The following PARP8 variants were observed in gnomAD, a reference collection of about 807,000 sequenced individuals.
PARP8 encodes poly(ADP-ribose) polymerase family member 8, also known as protein mono-ADP-ribosyltransferase PARP8.
In PARP8, 51 loss-of-function variants were observed where a neutral mutation model predicts 124.1. The ratio of observed to expected loss-of-function variants is 0.41; its 90% CI spans 0.33 to 0.52. The LOEUF is 0.52. PARP8 is among the 20% of genes least tolerant of loss of function. The pLI, the probability that PARP8 is intolerant of heterozygous loss-of-function variation, is 0.21. For synonymous variants in PARP8, 391 were observed against 361.5 expected, an observed-to-expected ratio of 1.08 and a Z score of -0.93; for missense variants, 860 against 1,018.9, an observed-to-expected ratio of 0.84 and a Z score of 2.12.
intron 9 of PARP8, among the ~76,000 whole-genome samples, chr5:50,781,850 A>T (rs1740710631): frequency 6.6e-6 from 1 of 152,184 alleles, no homozygotes; most frequent in South Asian, 2.1e-4. Context: ...GATGGGGTGG[A>T]AACTAGAACT....
chr5:50,773,897 G>T (rs1233855666), intron 7 of PARP8, among the ~76,000 whole-genome samples: 1 of 150,376 alleles, frequency 6.6e-6, no homozygotes, highest in Non-Finnish European at 1.5e-5. Context: ...GGGGGATGTG[G>T]CAGGGTCATA....
At chr5:50,814,680 G>A (rs898816579) in intron 14 of PARP8, among the ~76,000 whole-genome samples, 2 of 152,144 alleles carry the variant, frequency 1.3e-5, no homozygotes, top group African/African-American at 4.8e-5. Context: ...TCTGAAAGAA[G>A]TAAGCGTAGG....
At chr5:50,682,053 A>C (rs1189455961) in intron 2 of PARP8, among the ~76,000 whole-genome samples, 1 of 152,144 alleles carries the variant, frequency 6.6e-6, no homozygotes, top group Non-Finnish European at 1.5e-5. Context: ...AGTTACTATT[A>C]TTTCATATCC....
At chr5:50,747,197 T>C (rs1227005189) in intron 2 of PARP8, among the ~76,000 whole-genome samples, 1 of 143,474 alleles carries the variant, frequency 7.0e-6, no homozygotes, top group Non-Finnish European at 1.5e-5. Flanking sequence ...TCCTAATCTC[T>C]TTCCAAGTAC....
chr5:50,675,620 T>C (rs537227032), intron 2 of PARP8, among the ~76,000 whole-genome samples: 9 of 152,364 alleles, frequency 5.9e-5, no homozygotes, highest in African/African-American at 1.7e-4. Context: ...GCCTGTTTTA[T>C]TGTTTAAAAA....
At chr5:50,780,957 A>G (rs1278979384) in intron 9 of PARP8, among the ~76,000 whole-genome samples, 3 of 151,554 alleles carry the variant, frequency 2.0e-5, no homozygotes, top group Non-Finnish European at 4.4e-5. Flanking sequence ...CCTTGATACT[A>G]TTTTTTCTGT....
chr5:50,750,667 T>C (rs1299841157), intron 3 of PARP8, among the ~76,000 whole-genome samples: 1 of 152,166 alleles, frequency 6.6e-6, no homozygotes, highest in African/African-American at 2.4e-5. Context: ...TTAAGTATTT[T>C]CTGCGGCAGT....
intron 2 of PARP8, among the ~76,000 whole-genome samples, chr5:50,749,266 G>A (rs768260416): frequency 2.6e-5 from 4 of 152,134 alleles, no homozygotes; most frequent in Non-Finnish European, 5.9e-5. Context: ...TTAACAGGCA[G>A]ATAATTGGCT....
At chr5:50,838,224 G>A (rs981408620) in intron 25 of PARP8, among the ~76,000 whole-genome samples, 7 of 151,998 alleles carry the variant, frequency 4.6e-5, no homozygotes, top group African/African-American at 9.7e-5. Flanking sequence ...AAAGAGACTC[G>A]AAACCTGAGC....
chr5:50,707,183 ATTG>A (rs781484176), intron 2 of PARP8, among the ~76,000 whole-genome samples: 5 of 152,106 alleles, frequency 3.3e-5, no homozygotes, highest in Non-Finnish European at 4.4e-5. Context: ...ATCAGTGTAA[ATTG>A]TTGTTTATAT....
intron 15 of PARP8, among the ~76,000 whole-genome samples, chr5:50,820,639 A>G (rs1433443012): frequency 6.6e-6 from 1 of 152,164 alleles, no homozygotes; most frequent in African/African-American, 2.4e-5. Context: ...GGAGCATGCC[A>G]AAGTCTTTTC....
chr5:50,716,268 G>A (rs531989902), intron 2 of PARP8, among the ~76,000 whole-genome samples: 145 of 152,170 alleles, frequency 9.5e-4, no homozygotes, highest in African/African-American at 3.4e-3. Context: ...ATAATTATAC[G>A]ATATAGGGTA....
intron 2 of PARP8, 133 bp downstream of exon 2, chr5:50,668,258 C>A (rs1299987260): frequency 3.7e-6 from 3 of 811,032 alleles, no homozygotes; most frequent in Non-Finnish European, 6.3e-6. Context: ...ACCTGCTACC[C>A]AAGCCTGACG....
At chr5:50,713,780 G>A (rs182028495) in intron 2 of PARP8, among the ~76,000 whole-genome samples, 11 of 152,130 alleles carry the variant, frequency 7.2e-5, no homozygotes, top group Non-Finnish European at 1.3e-4. Flanking sequence ...AGAGGCAGGC[G>A]AGTCAGAGAA....
intron 7 of PARP8, among the ~76,000 whole-genome samples, chr5:50,765,238 G>C (rs1284623558): frequency 6.6e-6 from 1 of 151,640 alleles, no homozygotes; most frequent in Admixed American, 6.6e-5. Flanking sequence ...CTCCAGCCTG[G>C]GCAACAAGAG....
intron 25 of PARP8, among the ~76,000 whole-genome samples, chr5:50,841,376 T>C (rs1748158394): frequency 6.6e-6 from 1 of 151,864 alleles, no homozygotes; most frequent in East Asian, 1.9e-4. Flanking sequence ...TCCCTTCTAC[T>C]GATAAAGTAA....
At chr5:50,804,617 C>G (rs1448132901) in intron 14 of PARP8, among the ~76,000 whole-genome samples, 2 of 152,078 alleles carry the variant, frequency 1.3e-5, no homozygotes, top group Non-Finnish European at 2.9e-5. Context: ...GTGGTATTTC[C>G]ATTTACAAAA....
intron 17 of PARP8, among the ~76,000 whole-genome samples, 184 bp downstream of exon 17, chr5:50,822,584 A>G (rs1226202565): frequency 1.3e-5 from 2 of 152,206 alleles, no homozygotes; most frequent in Non-Finnish European, 2.9e-5. Context: ...AAGTAAGTGG[A>G]TAATTATAAG....
rs891611576 is a variant in PARP8 at position 50,845,968 on chromosome 5, G to A, written c.*3900G>A. 3.3e-5 allele frequency: 5 copies of A among 151,698 alleles called. No homozygotes were observed. The highest frequency in any genetic ancestry group is 1.2e-4 in the African/African-American group (5 of 41,360). The allele number at this position is 151,698 out of a possible 1,614,324, so 9.4% of individuals were successfully genotyped here. ...ATTTTGTATACATTATGGAATATTA[G>A]GATAAGTTTTTGTAGGTCAGAAGAA... On this transcript the variant is annotated 3_prime_UTR_variant, in exon 26 of 26. Coordinates refer to ENST00000281631, the MANE Select transcript of PARP8 (RefSeq NM_024615.4).
Sources: gnomAD v4.1 joint callset for allele counts (sites outside exome capture counted in the v4.1 genomes callset) on GRCh38, gnomAD v4.1.1 for gene constraint, MANE v1.5 for transcripts, NCBI Gene and HGNC (gene_info 2026-07-23, HGNC 2026-07-21) for gene names.